LMX1A: variants seen among roughly 807,000 people sequenced by gnomAD.
The protein encoded by LMX1A is LIM homeobox transcription factor 1 alpha.
LMX1A carries 15 observed loss-of-function variants against 49.1 expected under a neutral mutation model. That is an observed-to-expected ratio of 0.31 (90% CI 0.20 to 0.47). The LOEUF (loss-of-function observed/expected upper bound fraction) is 0.47, where lower values mean the gene tolerates loss of function less well. Among genes scored for constraint, LMX1A ranks in the 20% least tolerant of loss-of-function variants. LMX1A has a pLI of 1.00. For synonymous variants in LMX1A, 167 were observed against 185.7 expected (o/e 0.90, Z 0.82); for missense variants, 372 against 475.8 (o/e 0.78, Z 2.03).
intron 3 of LMX1A, among the ~76,000 whole-genome samples, chr1:165,283,490 C>T (rs1278729579): frequency 6.6e-6 from 1 of 152,160 alleles, no homozygotes; most frequent in African/African-American, 2.4e-5. Flanking sequence ...CTTTTTCCTC[C>T]TCTTCCTCTT....
intron 3 of LMX1A, among the ~76,000 whole-genome samples, chr1:165,250,214 C>A (rs2102638596): frequency 6.6e-6 from 1 of 152,116 alleles, no homozygotes. Context: ...GCACATCCTG[C>A]ACATGTACCC....
At position 165,355,630 on chromosome 1, in the gene LMX1A, T is replaced by C; in HGVS notation, c.-22-49A>G. 6.9e-7 allele frequency: 1 copy of C among 1,441,934 alleles called. No homozygotes were observed. The highest frequency in any genetic ancestry group is 1.8e-5 in the Admixed American group (1 of 54,504). 89.3% of individuals were successfully genotyped at this position (1,441,934 alleles called of 1,614,324 possible). ...GTCTGACGTCCGTGCCCGCTGGGAC[T>C]CGGCGCCAGCAGCCACCGCACTCCT... On this transcript the variant is annotated intron_variant, in intron 1 of 8. Coordinates refer to ENST00000342310, the MANE Select transcript of LMX1A (RefSeq NM_177398.4). The surrounding 1 kb of genome is among the most constrained non-coding windows in gnomAD (Gnocchi z 4.7).
chr1:165,258,163 CTG>C (rs1449009993), intron 3 of LMX1A, among the ~76,000 whole-genome samples: 4 of 152,242 alleles, frequency 2.6e-5, no homozygotes, highest in African/African-American at 9.6e-5. Context: ...GACTTGGTAA[CTG>C]AGGTCATCCA....
intron 3 of LMX1A, among the ~76,000 whole-genome samples, chr1:165,269,835 C>A (rs901377958): frequency 3.9e-5 from 6 of 152,008 alleles, no homozygotes; most frequent in African/African-American, 7.2e-5. Context: ...TAAGTGGGAG[C>A]CAAACAAGGA....
chr1:165,351,012 C>T (rs1445049206), intron 3 of LMX1A, among the ~76,000 whole-genome samples: 1 of 152,160 alleles, frequency 6.6e-6, no homozygotes, highest in African/African-American at 2.4e-5. Context: ...AAGCCCAAAC[C>T]GCGCCAAACC....
chr1:165,229,223 C>CAA (rs1201981134), intron 4 of LMX1A, among the ~76,000 whole-genome samples: 1 of 151,956 alleles, frequency 6.6e-6, no homozygotes, highest in African/African-American at 2.4e-5. Flanking sequence ...AACACAACCC[C>CAA]AAAAAAGTGT....
chr1:165,227,553 G>GTACA (rs111962996), intron 4 of LMX1A, among the ~76,000 whole-genome samples: 2,173 of 150,792 alleles, frequency 0.014, 52 homozygotes, highest in African/African-American at 0.051. Flanking sequence ...TAATACATAC[G>GTACA]TACATACATA....
At position 165,278,467 on chromosome 1, in the gene LMX1A, T is replaced by C. The variant is rs539353291; in HGVS notation, c.264-28827A>G. Among the ~76,000 whole-genome samples, 19 of 152,364 alleles carry C rather than the reference T, an allele frequency of 1.2e-4. No homozygotes were observed. The East Asian group carries it at 2.9e-3, about 23-fold the overall frequency. On this transcript the variant is annotated intron_variant, in intron 3 of 8. Transcript: ENST00000342310. ...TAACCTCTTTCTCACATTCTCTTAC[T>C]ACTTGGCACTGAGTACCTGCTGCCA...
intron 3 of LMX1A, among the ~76,000 whole-genome samples, chr1:165,269,582 G>A (rs1482032612): frequency 6.6e-6 from 1 of 152,144 alleles, no homozygotes; most frequent in Non-Finnish European, 1.5e-5. Context: ...CTATTATAAA[G>A]ATACATGCAT....
At chr1:165,352,434 T>C (rs1656455901) in intron 3 of LMX1A, among the ~76,000 whole-genome samples, 1 of 152,152 alleles carries the variant, frequency 6.6e-6, no homozygotes, top group South Asian at 2.1e-4. Context: ...TAAAAGCCCC[T>C]GCATCCGAGG....
At chr1:165,341,554 C>T (rs558636433) in intron 3 of LMX1A, among the ~76,000 whole-genome samples, 2 of 150,508 alleles carry the variant, frequency 1.3e-5, no homozygotes, top group East Asian at 2.0e-4. Context: ...CTTCATAGAG[C>T]TTATGGTCTA....
intron 4 of LMX1A, among the ~76,000 whole-genome samples, chr1:165,241,273 A>C (rs751820943): frequency 1.1e-4 from 17 of 152,242 alleles, no homozygotes; most frequent in Non-Finnish European, 2.4e-4. Context: ...AAGAGCAAAG[A>C]CAGAAGAGGA....
chr1:165,344,490 G>A (rs1040666714), intron 3 of LMX1A, among the ~76,000 whole-genome samples: 4 of 152,218 alleles, frequency 2.6e-5, no homozygotes, highest in Admixed American at 2.6e-4. Flanking sequence ...GCCAGCTTTA[G>A]AGAAGGAAGC....
intron 3 of LMX1A, among the ~76,000 whole-genome samples, chr1:165,290,475 G>A (rs1001234349): frequency 5.3e-5 from 8 of 151,750 alleles, no homozygotes; most frequent in Non-Finnish European, 1.0e-4. Flanking sequence ...TTTGTAAAAT[G>A]TCTCTATTTA....
At chr1:165,268,946 C>A (rs1163897851) in intron 3 of LMX1A, among the ~76,000 whole-genome samples, 1 of 152,174 alleles carries the variant, frequency 6.6e-6, no homozygotes, top group Non-Finnish European at 1.5e-5. Flanking sequence ...TACACTGGAA[C>A]CAAAGCCAAG....
At chr1:165,300,284 G>A (rs1219311607) in intron 3 of LMX1A, among the ~76,000 whole-genome samples, 2 of 152,160 alleles carry the variant, frequency 1.3e-5, no homozygotes, top group African/African-American at 4.8e-5. Flanking sequence ...TGTGTGACCT[G>A]TTTACTTAAC....
At chr1:165,208,889 C>A (rs1557848087) in intron 6 of LMX1A, among the ~76,000 whole-genome samples, 1 of 152,162 alleles carries the variant, frequency 6.6e-6, no homozygotes, top group Non-Finnish European at 1.5e-5. Flanking sequence ...TCTCGTGATC[C>A]ACCCGCCTCG....
rs1353134171 is a variant in LMX1A at position 165,296,793 on chromosome 1, T to G, written c.264-47153A>C. 1.3e-5 allele frequency among the ~76,000 whole-genome samples: 2 copies of G among 152,232 alleles called. 1 individual carries two copies. Among genetic ancestry groups the G allele is most frequent in the Non-Finnish European group, 2.9e-5 (2 of 68,042 alleles). ...CTGGCTAATGTTGCAAGCAATGTAT[T>G]TTTATATTTTTGTTTTAAAGAATGC... On this transcript the variant is annotated intron_variant, in intron 3 of 8. Coordinates refer to ENST00000342310, the MANE Select transcript of LMX1A (RefSeq NM_177398.4).
chr1:165,247,785 T>C (rs1652912557), intron 4 of LMX1A, among the ~76,000 whole-genome samples: 1 of 152,208 alleles, frequency 6.6e-6, no homozygotes, highest in African/African-American at 2.4e-5. Flanking sequence ...ATCATCACCA[T>C]TTTATAGCTG....
Sources: allele counts gnomAD v4.1 joint callset (sites outside exome capture counted in the v4.1 genomes callset), GRCh38; gene constraint gnomAD v4.1.1; non-coding constraint Gnocchi (gnomAD v3.1); transcripts MANE v1.5; gene names NCBI Gene and HGNC (gene_info 2026-07-23, HGNC 2026-07-21).